The following ZNF786 variants were observed in gnomAD, a reference collection of about 807,000 sequenced individuals.
ZNF786 encodes the protein zinc finger protein 786.
Under a neutral mutation model 63.1 loss-of-function variants are expected in ZNF786, and 56 were observed. The observed-to-expected ratio is 0.89, with a 90% CI of 0.72 to 1.11. ZNF786 has a LOEUF of 1.11. Among genes scored for constraint, ZNF786 ranks in the 50% least tolerant of loss-of-function variants. The probability of loss-of-function intolerance (pLI) is 0.00; values close to 1 mark genes in which losing one functional copy is unlikely to be tolerated. For synonymous variants in ZNF786, 485 were observed against 406.9 expected (o/e 1.19, Z -2.31); for missense variants, 1,213 against 1,041.8 (o/e 1.16, Z -2.26).
chr7:149,070,441 T>A lies in ZNF786; in HGVS notation c.2331A>T (p.Ile777=). ...CTCTGCCTCAACTCCAATCGGCCTC[T>A]ATCATTGCAAACAGTTGGCTGAGCC... ...KKRLSQLFAM[I]EADWS Residue 777 remains isoleucine, a synonymous_variant, in exon 4 of 4, where the codon ATA becomes ATT. Coordinates refer to ENST00000491431, the MANE Select transcript of ZNF786 (RefSeq NM_152411.4). The A allele has an allele frequency of 1.2e-6, 2 of 1,613,680 alleles. No homozygotes were observed. Among genetic ancestry groups the A allele is most frequent in the Non-Finnish European group, 1.7e-6 (2 of 1,179,644 alleles).
In ZNF786 at chr7:149,070,984, T is replaced by C. The variant is rs1825399159; in HGVS notation, c.1788A>G (p.Pro596=). 1 of 1,612,892 alleles carries C rather than the reference T, an allele frequency of 6.2e-7. No homozygotes were observed. The highest frequency in any genetic ancestry group is 8.5e-7 in the Non-Finnish European group (1 of 1,179,806). ...VHSGERPFQC[P]ECNRSFRLKG... ...TCAGGCGGAAGCTCCTGTTGCACTC[T>C]GGGCACTGGAAGGGTCTCTCCCCGC... is the stretch of plus-strand genomic sequence containing the variant. The change falls in exon 4 of 4, where the codon CCA becomes CCG. Residue 596 remains proline, a synonymous_variant. Transcript: ENST00000491431.
chr7:149,074,220 A>G (rs1825500156), intron 3 of ZNF786, among the ~76,000 whole-genome samples, 166 bp downstream of exon 3: 3 of 152,144 alleles, frequency 2.0e-5, no homozygotes, highest in Admixed American at 1.3e-4. Flanking sequence ...AGATCCAGAC[A>G]CAGACTCTAG....
chr7:149,080,472 T>C, intron 2 of ZNF786, 119 bp downstream of exon 2: 1 of 1,044,442 alleles, frequency 9.6e-7, no homozygotes, highest in Non-Finnish European at 1.3e-6. Flanking sequence ...AGGGTAAAAA[T>C]ACCCTTCTGA....
chr7:149,080,064 CG>C (rs1825625368), intron 2 of ZNF786, among the ~76,000 whole-genome samples: 1 of 151,852 alleles, frequency 6.6e-6, no homozygotes, highest in South Asian at 2.1e-4. Flanking sequence ...CCCAGTTACT[CG>C]GTAGGCTGAG....
intron 1 of ZNF786, among the ~76,000 whole-genome samples, chr7:149,086,844 C>CT (rs34115320): frequency 9.9e-4 from 138 of 139,484 alleles, no homozygotes; most frequent in African/African-American, 2.1e-3. Context: ...AGCGCAGATC[C>CT]TTTTTTTTTT....
chr7:149,089,966 C>T (rs1031535781), intron 1 of ZNF786, among the ~76,000 whole-genome samples: 1 of 152,018 alleles, frequency 6.6e-6, no homozygotes, highest in African/African-American at 2.4e-5. Context: ...CCACCCGCCT[C>T]GGCCTCCCAA....
chr7:149,088,624 CAG>C (rs1825775270), intron 1 of ZNF786, among the ~76,000 whole-genome samples: 1 of 151,990 alleles, frequency 6.6e-6, no homozygotes, highest in Non-Finnish European at 1.5e-5. Context: ...TTTAAAAATC[CAG>C]AGAGTTACAG....
At chr7:149,080,854 C>G (rs768002405) in intron 1 of ZNF786, 137 bp from the exon 2 acceptor site, 2 of 957,662 alleles carry the variant, frequency 2.1e-6, no homozygotes, top group Non-Finnish European at 3.1e-6. Flanking sequence ...TGGAGAACTA[C>G]TCCTTCCTCT....
intron 3 of ZNF786, among the ~76,000 whole-genome samples, chr7:149,073,751 A>ATATATATATG: frequency 1.6e-5 from 1 of 62,466 alleles, no homozygotes; most frequent in East Asian, 9.5e-4. Flanking sequence ...GTGTGTGTAT[A>ATATATATATG]TATATATATA....
At chr7:149,083,464 G>A (rs1216701171) in intron 1 of ZNF786, among the ~76,000 whole-genome samples, 2 of 152,040 alleles carry the variant, frequency 1.3e-5, no homozygotes, top group African/African-American at 4.8e-5. Context: ...TGATCCACCC[G>A]CCTCGGCCTC....
In ZNF786 at chr7:149,072,021, G is replaced by A. The variant is rs773268792; in HGVS notation, c.751C>T (p.Arg251Trp). 9.3e-6 allele frequency: 15 copies of A among 1,613,102 alleles called. No individual in the cohort carries two copies. The highest frequency in any genetic ancestry group is 2.2e-5 in the East Asian group (1 of 44,878). The change falls in exon 4 of 4, where the codon CGG becomes TGG. Residue 251 changes from arginine (R) to tryptophan (W), a missense_variant. Coordinates refer to ENST00000491431, the MANE Select transcript of ZNF786 (RefSeq NM_152411.4). ...AGATGGCGCAGCAGACACAGCTTCC[G>A]GCGGAAGCTCTTACCGCACACGCCA... ...RCGVCGKSFR[R>W]KLCLLRHLAA...
intron 2 of ZNF786, among the ~76,000 whole-genome samples, chr7:149,079,462 G>A (rs1825616608): frequency 6.6e-6 from 1 of 150,460 alleles, no homozygotes; most frequent in African/African-American, 2.4e-5. Flanking sequence ...ATGCTTCTCT[G>A]AACAGACTGA....
Position 149,071,837 on chromosome 7 carries a change from T to C in ZNF786, c.935A>G (p.Gln312Arg). 1 of 1,594,530 alleles carries C rather than the reference T, an allele frequency of 6.3e-7. No homozygotes were observed. Among genetic ancestry groups the C allele is most frequent in the Non-Finnish European group, 8.5e-7 (1 of 1,174,970 alleles). The change falls in exon 4 of 4, where the codon CAG (glutamine) becomes CGG (arginine). Residue 312 changes from glutamine to arginine, a missense_variant. Gln to Arg is a conservative substitution (Grantham distance 43). Transcript: ENST00000491431. ...CCGGCTGTGCTGGCACCGGCGAGCC[T>C]GCGTGCTGTCCACTGGGAGGGAGCG... Reference protein sequence around the residue: ...GKRSLPVDSTQARRCQHSREG... With the variant: ...GKRSLPVDSTRARRCQHSREG...
Position 149,080,583 on chromosome 7 carries a change from G to C in ZNF786, c.145+8C>G, listed in dbSNP as rs745479600. 4.4e-6 allele frequency: 7 copies of C among 1,593,092 alleles called. No individual in the cohort carries two copies. The highest frequency in any genetic ancestry group is 3.7e-5 in the Admixed American group (2 of 54,594). On this transcript the variant is annotated splice_region_variant and intron_variant, in intron 2 of 3. Transcript: ENST00000491431. ...CATGACCTACCCACAAAGGTGAACA[G>C]GTCTTACCTAGAGAGACGAGAGTCT...
At chr7:149,073,751 A>ATATATATG (rs1563137490) in intron 3 of ZNF786, among the ~76,000 whole-genome samples, 3 of 62,464 alleles carry the variant, frequency 4.8e-5, no homozygotes, top group African/African-American at 1.7e-4. Context: ...GTGTGTGTAT[A>ATATATATG]TATATATATA....
chr7:149,070,355 G>C lies in ZNF786; in HGVS notation c.*68C>G. On this transcript the variant is annotated 3_prime_UTR_variant, in exon 4 of 4. Coordinates refer to ENST00000491431, the MANE Select transcript of ZNF786 (RefSeq NM_152411.4). ...CTAAAACCCGTCTACCAGCGGGTCT[G>C]GCTACTGTTGCTGTGGATTCCTGGG... is the stretch of plus-strand genomic sequence containing the variant. 2 of 1,565,502 alleles carry C rather than the reference G, an allele frequency of 1.3e-6. No individual in the cohort carries two copies. Among genetic ancestry groups the C allele is most frequent in the Non-Finnish European group, 8.7e-7 (1 of 1,153,576 alleles).
rs1383559445 is a variant in ZNF786, at chr7:149,079,801, C to G, written c.145+790G>C. ...GGCCAGGATGTTCTTGATCTCTTGA[C>G]CTCGTGATCCACCTGCCTCGGCCTC... On this transcript the variant is annotated intron_variant, in intron 2 of 3. Transcript: ENST00000491431. Among the ~76,000 whole-genome samples the G allele has an allele frequency of 2.0e-5, 3 of 148,202 alleles. No homozygotes were observed. The East Asian group carries it at 6.8e-4, about 33-fold the overall frequency.
intron 1 of ZNF786, among the ~76,000 whole-genome samples, chr7:149,084,622 A>G (rs1294092192): frequency 6.6e-6 from 1 of 152,160 alleles, no homozygotes; most frequent in Non-Finnish European, 1.5e-5. Context: ...GTGTCTGTTC[A>G]TGTCCTTTGC....
rs1180827504 is a variant in ZNF786, at chr7:149,072,207, A to G, written c.565T>C (p.Trp189Arg). The G allele has an allele frequency of 6.2e-7, 1 of 1,613,490 alleles. No homozygotes were observed. Among genetic ancestry groups the G allele is most frequent in the Non-Finnish European group, 8.5e-7 (1 of 1,179,804 alleles). ...CAACAGCTTTCCCCGCAGACAGGCC[A>G]AGGGTGCTGGGTGCTCTCCCAGGCG... The part of the protein sequence containing the change: ...VPAWESTQHP[W>R]PVCGESCWEN... Residue 189 changes from tryptophan (W) to arginine (R), a missense_variant, in exon 4 of 4, where the codon TGG becomes CGG. Physicochemically the swap from Trp to Arg is moderately radical, Grantham distance 101 (BLOSUM62 -3). Transcript: ENST00000491431.
Sources: gnomAD v4.1 joint callset for allele counts (sites outside exome capture counted in the v4.1 genomes callset) on GRCh38, gnomAD v4.1.1 for gene constraint, MANE v1.5 for transcripts, NCBI Gene and HGNC (gene_info 2026-07-23, HGNC 2026-07-21) for gene names.